The following ANK1 variants were observed in gnomAD, a reference collection of about 807,000 sequenced individuals.
ANK1 encodes ankyrin-1.
Under a neutral mutation model 210.4 loss-of-function variants are expected in ANK1, and 51 were observed. The observed-to-expected ratio is 0.24, with a 90% CI of 0.19 to 0.31. The LOEUF (loss-of-function observed/expected upper bound fraction) is 0.31. ANK1 is among the 10% of genes least tolerant of loss of function. The pLI is 1.00. For synonymous variants in ANK1, 967 were observed against 1,025.9 expected, an observed-to-expected ratio of 0.94 and a Z score of 1.10; for missense variants, 2,051 against 2,504.4, an observed-to-expected ratio of 0.82 and a Z score of 3.86.
At chr8:41,778,418 T>C (rs927271964) in intron 1 of ANK1, among the ~76,000 whole-genome samples, 2 of 152,162 alleles carry the variant, frequency 1.3e-5, no homozygotes, top group African/African-American at 4.8e-5. Context: ...GCAGTGAGAA[T>C]TGAACAGAAT....
At chr8:41,698,248 G>A (rs1043710425) in intron 23 of ANK1, 127 bp from the exon 24 acceptor site, 1 of 906,354 alleles carries the variant, frequency 1.1e-6, no homozygotes. Flanking sequence ...TCACAACCTG[G>A]TGGAAGGACC....
chr8:41,895,531 G>A (rs369510694), intron 1 of ANK1, among the ~76,000 whole-genome samples: 13 of 152,136 alleles, frequency 8.5e-5, no homozygotes, highest in East Asian at 7.7e-4. Context: ...GCCCCTGGAG[G>A]TCTGGGTCTT....
chr8:41,702,064 T>A lies in ANK1; in HGVS notation c.2376A>T (p.Glu792Asp), dbSNP rs1174527227. ...GAGGCAGACATACCACGAAACTGGT[T>A]TCATCCGTGACGACCTTGAGCACGT... ...VTDVLKVVTD[E>D]TSFVLVSDKH... The change falls in exon 21 of 43, where the codon GAA becomes GAT. Residue 792 changes from glutamate (E) to aspartate (D), a missense_variant. This residue lies in a region of ANK1 where 1,413 missense variants were observed against 1,707.4 expected (regional missense o/e 0.83). Coordinates refer to ENST00000289734, the MANE Select transcript of ANK1 (RefSeq NM_000037.4). 1 of 1,614,106 alleles carries A rather than the reference T, an allele frequency of 6.2e-7. No individual in the cohort carries two copies. The highest frequency in any genetic ancestry group is 1.1e-5 in the South Asian group (1 of 91,080).
intron 1 of ANK1, among the ~76,000 whole-genome samples, chr8:41,794,813 T>C (rs1469494223): frequency 1.3e-5 from 2 of 152,176 alleles, no homozygotes; most frequent in African/African-American, 2.4e-5. Flanking sequence ...CAAGCGATTC[T>C]CCTGCCTCAG....
intron 1 of ANK1, chr8:41,828,262 C>T (rs377115349): frequency 6.5e-6 from 1 of 153,704 alleles, no homozygotes; most frequent in African/African-American, 2.4e-5. Context: ...CGCTCCGCCC[C>T]GCTCCGCCCG....
At chr8:41,687,844 C>T (rs1189731768) in intron 35 of ANK1, among the ~76,000 whole-genome samples, 1 of 152,204 alleles carries the variant, frequency 6.6e-6, no homozygotes, top group Admixed American at 6.5e-5. Context: ...TGAGATCCAG[C>T]CACAGCCACA....
rs369972530 is a variant in ANK1 at position 41,803,100 on chromosome 8, A to G, written c.127-44963T>C. Among the ~76,000 whole-genome samples the G allele has an allele frequency of 3.5e-3, 243 of 68,932 alleles. 2 individuals are homozygous for G. Among genetic ancestry groups the G allele is most frequent in the Middle Eastern group, 0.025 (4 of 160 alleles). 45.2% of individuals were successfully genotyped at this position (68,932 alleles called of 152,430 possible). On this transcript the variant is annotated intron_variant, in intron 1 of 42. Transcript: ENST00000265709. ...GGAAGGAAGGGAAGGAAAGGAAAGG[A>G]AAGGAAAGGAAAGGAAAGGAAAGGA...
At chr8:41,770,783 G>A (rs914685211) in intron 1 of ANK1, among the ~76,000 whole-genome samples, 1 of 152,228 alleles carries the variant, frequency 6.6e-6, no homozygotes, top group Non-Finnish European at 1.5e-5. Context: ...TGCTCAGTGA[G>A]GCCTGAGGCT....
intron 1 of ANK1, among the ~76,000 whole-genome samples, chr8:41,809,633 G>T (rs1175740379): frequency 1.3e-5 from 2 of 151,948 alleles, no homozygotes; most frequent in Non-Finnish European, 2.9e-5. Flanking sequence ...CCAGGCATGA[G>T]GGTGCATGCC....
intron 2 of ANK1, among the ~76,000 whole-genome samples, chr8:41,745,987 G>T (rs1344105724): frequency 1.3e-5 from 2 of 152,198 alleles, no homozygotes; most frequent in African/African-American, 4.8e-5. Flanking sequence ...CCTTCTGAGT[G>T]GCTGGGCATC....
At chr8:41,864,104 G>T (rs1813821266) in intron 1 of ANK1, among the ~76,000 whole-genome samples, 1 of 151,984 alleles carries the variant, frequency 6.6e-6, no homozygotes, top group Non-Finnish European at 1.5e-5. Context: ...CAAAAAATTA[G>T]CCAGGCATGG....
At position 41,721,618 on chromosome 8, in the gene ANK1, C is replaced by CAACCAGATCTGCCCTGCCACCAGTG; in HGVS notation, c.909+1506_909+1507insCACTGGTGGCAGGGCAGATCTGGTT. On this transcript the variant is annotated intron_variant, in intron 9 of 42. Coordinates refer to ENST00000289734, the MANE Select transcript of ANK1 (RefSeq NM_000037.4). ...GTTGCAGTGAGTAGAGATCACACTG[C>CAACCAGATCTGCCCTGCCACCAGTG]TGCACTCCAGCCTGGGTGACTGAGT... 1.4e-5 allele frequency among the ~76,000 whole-genome samples: 2 copies of CAACCAGATCTGCCCTGCCACCAGTG among 144,234 alleles called. 1 individual carries two copies. The highest frequency in any genetic ancestry group is 4.1e-4 in the East Asian group (2 of 4,856). 94.6% of individuals were successfully genotyped at this position (144,234 alleles called of 152,430 possible).
intron 1 of ANK1, among the ~76,000 whole-genome samples, chr8:41,882,587 T>C (rs563746608): frequency 6.6e-6 from 1 of 152,326 alleles, no homozygotes; most frequent in East Asian, 1.9e-4. Context: ...TGATCTCTCC[T>C]GAGAATCCCG....
At chr8:41,663,146 AT>A in intron 40 of ANK1, among the ~76,000 whole-genome samples, 1 of 134,626 alleles carries the variant, frequency 7.4e-6, no homozygotes, top group Middle Eastern at 3.7e-3. Context: ...GTGTGTATTT[AT>A]TTATTTTTTA....
At chr8:41,701,769 G>T (rs1398051451) in intron 21 of ANK1, 147 bp from the exon 22 acceptor site, 2 of 904,458 alleles carry the variant, frequency 2.2e-6, no homozygotes, top group Non-Finnish European at 3.5e-6. Context: ...AAGCTGCCGG[G>T]CAGGAACCAC....
chr8:41,723,389 G>A (rs1829773896), intron 8 of ANK1, 146 bp downstream of exon 8: 1 of 1,151,372 alleles, frequency 8.7e-7, no homozygotes, highest in Middle Eastern at 2.0e-4. Flanking sequence ...ACTGCACGCG[G>A]CACTGCCCAG....
chr8:41,677,623 C>A (rs988730318), intron 37 of ANK1, among the ~76,000 whole-genome samples: 3 of 148,674 alleles, frequency 2.0e-5, no homozygotes, highest in Non-Finnish European at 4.4e-5. Context: ...GGATTTCACT[C>A]CCGTTGCCCA....
chr8:41,700,288 TG>T, intron 22 of ANK1: 1 of 892,682 alleles, frequency 1.1e-6, no homozygotes, highest in Non-Finnish European at 1.7e-6. Flanking sequence ...GTGAATTCCC[TG>T]GTTTAGCTGA....
At chr8:41,800,681 A>G (rs1849722684), upstream of ANK1, among the ~76,000 whole-genome samples, 1 of 152,116 alleles carries the variant, frequency 6.6e-6, no homozygotes, top group Non-Finnish European at 1.5e-5. Flanking sequence ...TGTGTTTATC[A>G]TCCCTTGTTT....
Sources: allele counts gnomAD v4.1 joint callset (sites outside exome capture counted in the v4.1 genomes callset), GRCh38; gene constraint gnomAD v4.1.1; regional missense constraint gnomAD v4.1.1; transcripts MANE v1.5; gene names NCBI Gene and HGNC (gene_info 2026-07-23, HGNC 2026-07-21).